Variants in TOP2B observed in about 807,000 individuals in gnomAD.
The protein encoded by TOP2B is DNA topoisomerase 2-beta.
TOP2B carries 51 observed loss-of-function variants against 193.5 expected under a neutral mutation model. The observed-to-expected ratio is 0.26, with a 90% CI of 0.21 to 0.33. The LOEUF is 0.33. TOP2B is among the 10% of genes least tolerant of loss of function. The pLI is 1.00. For synonymous variants in TOP2B, 634 were observed against 635.7 expected, an observed-to-expected ratio of 1.00 and a Z score of 0.04; for missense variants, 1,378 against 1,909.3, an observed-to-expected ratio of 0.72 and a Z score of 5.19.
intron 13 of TOP2B, among the ~76,000 whole-genome samples, chr3:25,629,514 T>TA (rs1483419145): frequency 6.6e-6 from 1 of 152,110 alleles, no homozygotes; most frequent in Non-Finnish European, 1.5e-5. Flanking sequence ...CTTCCCTAGA[T>TA]AAAAAATTGG....
At chr3:25,635,136 G>C (rs2125384275) in intron 7 of TOP2B, among the ~76,000 whole-genome samples, 1 of 152,278 alleles carries the variant, frequency 6.6e-6, no homozygotes, top group South Asian at 2.1e-4. Flanking sequence ...AAGCCAAGGG[G>C]AAAGACAAAA....
At chr3:25,662,657 GAAAT>G (rs949959196) in intron 1 of TOP2B, among the ~76,000 whole-genome samples, 7 of 152,132 alleles carry the variant, frequency 4.6e-5, no homozygotes, top group African/African-American at 1.7e-4. Context: ...GAGCTTGAAA[GAAAT>G]AAATTGTCAT....
At chr3:25,633,186 G>A (rs903196257) in intron 8 of TOP2B, among the ~76,000 whole-genome samples, 1 of 152,120 alleles carries the variant, frequency 6.6e-6, no homozygotes, top group African/African-American at 2.4e-5. Flanking sequence ...TCAGATGCCA[G>A]TTACAAGTCC....
chr3:25,651,137 A>G (rs1004660923), intron 1 of TOP2B, among the ~76,000 whole-genome samples: 1 of 152,224 alleles, frequency 6.6e-6, no homozygotes, highest in African/African-American at 2.4e-5. Flanking sequence ...CAAATATGGC[A>G]TCTTCTAGTA....
intron 4 of TOP2B, among the ~76,000 whole-genome samples, chr3:25,639,542 A>G (rs2364587): frequency 0.35 from 53,290 of 152,092 alleles, 9,872 homozygotes; most frequent in African/African-American, 0.48. Flanking sequence ...TCCTGACCTC[A>G]TAATCCACCC....
intron 2 of TOP2B, 110 bp from the exon 3 acceptor site, chr3:25,643,894 A>G (rs910406574): frequency 1.4e-6 from 1 of 697,724 alleles, no homozygotes; most frequent in Non-Finnish European, 2.4e-6. Context: ...TAGATCTGCA[A>G]AGTAGAAAAA....
At chr3:25,604,914 G>T in intron 32 of TOP2B, 44 bp from the exon 33 acceptor site, 1 of 1,398,588 alleles carries the variant, frequency 7.2e-7, no homozygotes, top group Non-Finnish European at 1.0e-6. Context: ...ATGTTATAAA[G>T]ATCTCTCAGT....
chr3:25,663,819 C>A (rs1703992730), intron 1 of TOP2B, among the ~76,000 whole-genome samples: 1 of 151,652 alleles, frequency 6.6e-6, no homozygotes, highest in Non-Finnish European at 1.5e-5. Flanking sequence ...ACACACACAC[C>A]CCTTTTCCCA....
At chr3:25,629,218 A>G (rs1207649906) in intron 13 of TOP2B, 73 bp from the exon 14 acceptor site, 2 of 1,156,972 alleles carry the variant, frequency 1.7e-6, no homozygotes, top group African/African-American at 1.6e-5. Flanking sequence ...AACAAATTTT[A>G]AAACGTGAAT....
At chr3:25,603,714 G>T (rs997251397) in intron 33 of TOP2B, among the ~76,000 whole-genome samples, 2 of 152,178 alleles carry the variant, frequency 1.3e-5, no homozygotes, top group Non-Finnish European at 2.9e-5. Context: ...CCAGTAATAG[G>T]TAAGTTACCA....
intron 1 of TOP2B, among the ~76,000 whole-genome samples, chr3:25,648,316 G>A (rs977169288): frequency 6.6e-6 from 1 of 152,154 alleles, no homozygotes; most frequent in Non-Finnish European, 1.5e-5. Context: ...ACACACCAGA[G>A]GGAGCAGACA....
chr3:25,609,203 G>A lies in TOP2B; in HGVS notation c.4073C>T (p.Ser1358Phe). 1 of 1,608,358 alleles carries A rather than the reference G, an allele frequency of 6.2e-7. No individual in the cohort carries two copies. The highest frequency in any genetic ancestry group is 1.7e-5 in the Admixed American group (1 of 59,380). Residue 1358 changes from serine (S) to phenylalanine (F), a missense_variant, in exon 30 of 36, where the codon TCT (serine) becomes TTT (phenylalanine). Ser to Phe is a radical substitution (Grantham distance 155). Coordinates refer to ENST00000264331, the MANE Select transcript of TOP2B (RefSeq NM_001330700.2). ...AATACCTGCTGCTCTCCTAAGCAAA[G>A]AATCTCTTGGAATAACCACAGGTTC... ...ETEPVVIPRD[S>F]LLRRAAAERP...
chr3:25,632,620 C>G (rs770377334), intron 9 of TOP2B, 37 bp from the exon 10 acceptor site: 1 of 1,603,738 alleles, frequency 6.2e-7, no homozygotes, highest in Non-Finnish European at 8.5e-7. Context: ...AATATCAGAG[C>G]TGATATTTAG....
At chr3:25,622,474 G>A (rs1702683612) in intron 21 of TOP2B, among the ~76,000 whole-genome samples, 1 of 151,598 alleles carries the variant, frequency 6.6e-6, no homozygotes, top group Non-Finnish European at 1.5e-5. Context: ...TTTACTCTTT[G>A]CTTACCTATA....
At chr3:25,615,749 T>C (rs1702486547) in intron 25 of TOP2B, 163 bp from the exon 26 acceptor site, 5 of 580,572 alleles carry the variant, frequency 8.6e-6, no homozygotes, top group Non-Finnish European at 2.6e-6. Flanking sequence ...TATATTTCCT[T>C]ATAAAAAGTT....
intron 1 of TOP2B, among the ~76,000 whole-genome samples, chr3:25,646,897 A>G (rs1703429821): frequency 6.6e-6 from 1 of 152,218 alleles, no homozygotes; most frequent in Non-Finnish European, 1.5e-5. Flanking sequence ...TTTATATACA[A>G]TTAAAGATTT....
At chr3:25,621,384 AG>A (rs779629788) in intron 21 of TOP2B, among the ~76,000 whole-genome samples, 4 of 152,148 alleles carry the variant, frequency 2.6e-5, no homozygotes, top group Non-Finnish European at 4.4e-5. Context: ...GTTTTGAGAC[AG>A]GGTCTCCACT....
At position 25,623,739 on chromosome 3, in the gene TOP2B, C is replaced by T; in HGVS notation, c.2503G>A (p.Ala835Thr). The T allele has an allele frequency of 1.2e-6, 2 of 1,607,012 alleles. No individual in the cohort carries two copies. Among genetic ancestry groups the T allele is most frequent in the South Asian group, 2.2e-5 (2 of 90,630 alleles). Residue 835 changes from alanine to threonine, a missense_variant, in exon 21 of 36, where the codon GCA becomes ACA. Around this residue, in one of 9 missense-constraint regions of TOP2B, gnomAD observed 379 missense variants for 615.1 expected, o/e 0.62. Transcript: ENST00000264331. ...RYIFTMLSTL[A>T]RLLFPAVDDN... ...TCCACAGCAGGAAAAAGTAGCCTTG[C>T]TAAAGTGCTAATGAAAACAAAAAGA...
chr3:25,626,420 C>A, intron 18 of TOP2B, 140 bp downstream of exon 18: 1 of 442,976 alleles, frequency 2.3e-6, no homozygotes, highest in Non-Finnish European at 3.9e-6. Flanking sequence ...TCAAAAAGGC[C>A]TTAAATTCCT....
Sources: allele counts gnomAD v4.1 joint callset (sites outside exome capture counted in the v4.1 genomes callset), GRCh38; gene constraint gnomAD v4.1.1; regional missense constraint gnomAD v4.1.1; transcripts MANE v1.5; gene names NCBI Gene and HGNC (gene_info 2026-07-23, HGNC 2026-07-21).